Variants in HDAC4 observed in about 807,000 individuals in gnomAD.
The protein encoded by HDAC4 is histone deacetylase A.
Under a neutral mutation model 135.1 loss-of-function variants are expected in HDAC4, and 16 were observed. The ratio of observed to expected loss-of-function variants is 0.12; its 90% CI spans 0.08 to 0.18. The LOEUF (loss-of-function observed/expected upper bound fraction) is 0.18, where lower values mean the gene tolerates loss of function less well. Among genes scored for constraint, HDAC4 ranks in the 10% least tolerant of loss-of-function variants. HDAC4 has a pLI of 1.00. For synonymous variants in HDAC4, 685 were observed against 653.4 expected (o/e 1.05, Z -0.74); for missense variants, 1,143 against 1,511.8 (o/e 0.76, Z 4.05).
At chr2:239,060,203 G>A (rs1169147248) in intron 24 of HDAC4, among the ~76,000 whole-genome samples, 1 of 152,206 alleles carries the variant, frequency 6.6e-6, no homozygotes, top group Non-Finnish European at 1.5e-5. Flanking sequence ...TCTGAGCCTT[G>A]GGGGACTGGC....
chr2:239,209,045 T>C (rs2046222069), intron 3 of HDAC4, among the ~76,000 whole-genome samples: 1 of 152,072 alleles, frequency 6.6e-6, no homozygotes, highest in South Asian at 2.1e-4. Context: ...CATGGCTAGT[T>C]TACGTATTAT....
intron 1 of HDAC4, among the ~76,000 whole-genome samples, chr2:239,353,250 A>T (rs1693279339): frequency 6.6e-6 from 1 of 152,146 alleles, no homozygotes; most frequent in South Asian, 2.1e-4. Flanking sequence ...CCTGACCTCA[A>T]GTGATCCACC....
chr2:239,269,227 ACATACATT>A (rs2049920906), intron 2 of HDAC4, among the ~76,000 whole-genome samples: 1 of 150,114 alleles, frequency 6.7e-6, no homozygotes, highest in South Asian at 2.1e-4. Context: ...TCACACACCC[ACATACATT>A]CACACATCTA....
At chr2:239,375,657 G>C (rs1694953551) in intron 1 of HDAC4, among the ~76,000 whole-genome samples, 1 of 152,210 alleles carries the variant, frequency 6.6e-6, no homozygotes, top group African/African-American at 2.4e-5. Context: ...TGCCAACTCA[G>C]TCACGCACAG....
At chr2:239,345,530 G>T (rs967365294) in intron 2 of HDAC4, among the ~76,000 whole-genome samples, 1 of 151,596 alleles carries the variant, frequency 6.6e-6, no homozygotes, top group African/African-American at 2.4e-5. Flanking sequence ...CTCCAGCCTG[G>T]GCGACAGCAA....
chr2:239,370,597 T>C (rs1694536973), intron 1 of HDAC4, among the ~76,000 whole-genome samples: 1 of 152,174 alleles, frequency 6.6e-6, no homozygotes, highest in Non-Finnish European at 1.5e-5. Context: ...GGTCATGCAC[T>C]GTATGGTTAA....
intron 2 of HDAC4, among the ~76,000 whole-genome samples, chr2:239,276,498 T>C (rs910888153): frequency 5.9e-5 from 9 of 152,320 alleles, no homozygotes; most frequent in African/African-American, 1.9e-4. Flanking sequence ...GATTGCTCCA[T>C]TGGTCATCAG....
At chr2:239,339,918 A>T (rs1692193659) in intron 2 of HDAC4, among the ~76,000 whole-genome samples, 1 of 152,232 alleles carries the variant, frequency 6.6e-6, no homozygotes, top group Non-Finnish European at 1.5e-5. Context: ...ATCCATGCTC[A>T]GGCCAGGGCC....
intron 5 of HDAC4, among the ~76,000 whole-genome samples, chr2:239,168,609 A>G (rs2043254985): frequency 6.6e-6 from 1 of 152,242 alleles, no homozygotes; most frequent in East Asian, 1.9e-4. Context: ...CCGTGTTTTC[A>G]AATGCTTAGA....
chr2:239,377,458 A>G (rs1231151437), intron 1 of HDAC4, among the ~76,000 whole-genome samples: 1 of 152,192 alleles, frequency 6.6e-6, no homozygotes, highest in Non-Finnish European at 1.5e-5. Flanking sequence ...CCTCTCTGCC[A>G]CCAATGGGCC....
rs776718124 is a variant in HDAC4 at position 239,081,186 on chromosome 2, T to A, written c.2659A>T (p.Thr887Ser). 6.2e-6 allele frequency: 10 copies of A among 1,612,666 alleles called. No homozygotes were observed. In the East Asian group the frequency reaches 2.2e-4, roughly 36 times the overall value. ...ACGTTGAAACCCACGCCGGGCCCTG[T>A]GCCCACCTGTGGCCAGAAGGAGAGA... ...PGSGAPDEVG[T>S]GPGVGFNVNM... Residue 887 changes from threonine to serine, a missense_variant, in exon 22 of 27, where the codon ACA becomes TCA. Physicochemically the swap from Thr to Ser is moderately conservative, Grantham distance 58. Coordinates refer to ENST00000543185, the MANE Select transcript of HDAC4 (RefSeq NM_001378414.1).
At chr2:239,392,625 C>T (rs1402164768) in intron 1 of HDAC4, among the ~76,000 whole-genome samples, 6 of 152,302 alleles carry the variant, frequency 3.9e-5, no homozygotes, top group African/African-American at 1.4e-4. Context: ...TGTCCACAGC[C>T]CCCAGAGGTG....
intron 3 of HDAC4, among the ~76,000 whole-genome samples, chr2:239,226,635 C>T (rs2047255040): frequency 1.3e-5 from 2 of 151,996 alleles, no homozygotes; most frequent in South Asian, 2.1e-4. Context: ...ATCTTTGGGT[C>T]GACAGCAACA....
chr2:239,339,556 A>G (rs1457075748), intron 2 of HDAC4, among the ~76,000 whole-genome samples: 1 of 152,170 alleles, frequency 6.6e-6, no homozygotes, highest in Non-Finnish European at 1.5e-5. Context: ...CTCAACGGAG[A>G]CCTACGTTGT....
In HDAC4 at chr2:239,080,919, G is replaced by A. The variant is rs930300421; in HGVS notation, c.2750+176C>T. ...AAGAGCTGATGGTAAGAAGATAGTC[G>A]CCAAGATTCCACGCTTGGCACTGAA... is the stretch of plus-strand genomic sequence containing the variant. On this transcript the variant is annotated intron_variant, in intron 22 of 26. Transcript: ENST00000543185. 6.2e-5 allele frequency: 37 copies of A among 597,554 alleles called. 1 individual carries two copies. The highest frequency in any genetic ancestry group is 2.0e-4 in the South Asian group (10 of 49,292). 37.0% of individuals were successfully genotyped at this position (597,554 alleles called of 1,614,324 possible).
At chr2:239,186,442 C>T (rs2044554893) in intron 4 of HDAC4, 1 of 152,160 alleles carries the variant, frequency 6.6e-6, no homozygotes, top group Non-Finnish European at 1.5e-5. Context: ...TGTAATGAAA[C>T]CACTATGTAG....
chr2:239,289,250 GC>G (rs2051319142), intron 2 of HDAC4, among the ~76,000 whole-genome samples: 1 of 152,192 alleles, frequency 6.6e-6, no homozygotes, highest in Non-Finnish European at 1.5e-5. Context: ...AACGTCAAAG[GC>G]CTTAAGAGAA....
chr2:239,223,527 C>T (rs545732127), intron 3 of HDAC4, among the ~76,000 whole-genome samples: 20 of 152,326 alleles, frequency 1.3e-4, no homozygotes, highest in African/African-American at 4.3e-4. Flanking sequence ...AAGTGACTTA[C>T]GCCTCCCAGC....
chr2:239,111,156 C>T (rs997679964), intron 14 of HDAC4, among the ~76,000 whole-genome samples: 2 of 152,196 alleles, frequency 1.3e-5, no homozygotes, highest in Admixed American at 1.3e-4. Flanking sequence ...TGGACGTGGG[C>T]GAAGTGTGAG....
Sources: gnomAD v4.1 joint callset for allele counts (sites outside exome capture counted in the v4.1 genomes callset) on GRCh38, gnomAD v4.1.1 for gene constraint, MANE v1.5 for transcripts, NCBI Gene and HGNC (gene_info 2026-07-23, HGNC 2026-07-21) for gene names.